DNAH12: variants seen among roughly 807,000 people sequenced by gnomAD.
The protein encoded by DNAH12 is dynein axonemal heavy chain 12, also known as axonemal beta dynein heavy chain 12.
DNAH12 carries 285 observed loss-of-function variants against 371.5 expected under a neutral mutation model. That is an observed-to-expected ratio of 0.77 (90% confidence interval 0.70 to 0.85). DNAH12 has a LOEUF of 0.85. Among genes scored for constraint, DNAH12 ranks in the 40% least tolerant of loss-of-function variants. The pLI, the probability that DNAH12 is intolerant of heterozygous loss-of-function variation, is 0.00. For synonymous variants in DNAH12, 1,200 were observed against 1,213.0 expected (o/e 0.99, Z 0.22); for missense variants, 3,611 against 3,689.4 (o/e 0.98, Z 0.55).
chr3:57,498,446 A>C (rs2067391880), intron 11 of DNAH12: 2 of 707,900 alleles, frequency 2.8e-6, no homozygotes, highest in South Asian at 3.0e-5. Flanking sequence ...CCTCCTGAGT[A>C]GCTGAGACTA....
At chr3:57,415,165 T>A (rs2064328960) in intron 38 of DNAH12, among the ~76,000 whole-genome samples, 1 of 151,256 alleles carries the variant, frequency 6.6e-6, no homozygotes, top group Admixed American at 6.6e-5. Flanking sequence ...GTCTTTTATA[T>A]TCCCTTTACC....
At chr3:57,321,568 G>C (rs1424256765) in intron 65 of DNAH12, among the ~76,000 whole-genome samples, 2 of 152,094 alleles carry the variant, frequency 1.3e-5, no homozygotes, top group Admixed American at 6.5e-5. Flanking sequence ...AAATTAACCA[G>C]ATATGCTCAG....
At chr3:57,530,590 TG>T in intron 2 of DNAH12, 2 of 635,136 alleles carry the variant, frequency 3.1e-6, no homozygotes, top group Non-Finnish European at 5.8e-6. Flanking sequence ...GGAGTCAGCT[TG>T]GCCCCCTTCT....
At chr3:57,486,907 T>C (rs2066938303) in intron 12 of DNAH12, among the ~76,000 whole-genome samples, 1 of 151,044 alleles carries the variant, frequency 6.6e-6, no homozygotes, top group African/African-American at 2.5e-5. Context: ...CACTATTTTA[T>C]ACAGAGGGGC....
intron 4 of DNAH12, among the ~76,000 whole-genome samples, chr3:57,512,977 A>T (rs2068052277): frequency 6.6e-6 from 1 of 152,080 alleles, no homozygotes; most frequent in African/African-American, 2.4e-5. Context: ...TCTCTACTAA[A>T]AATACAAAAA....
intron 60 of DNAH12, among the ~76,000 whole-genome samples, chr3:57,342,086 C>G (rs549154560): frequency 1.2e-4 from 18 of 152,276 alleles, no homozygotes; most frequent in Admixed American, 1.0e-3. Context: ...AAACTAGACT[C>G]TCTCCTCTTA....
chr3:57,410,194 G>T (rs1345117560), intron 39 of DNAH12, among the ~76,000 whole-genome samples: 3 of 151,994 alleles, frequency 2.0e-5, no homozygotes, highest in African/African-American at 4.8e-5. Flanking sequence ...ATCTGAAAAA[G>T]TTTTTAGAAA....
intron 43 of DNAH12, among the ~76,000 whole-genome samples, chr3:57,396,600 T>C (rs998258160): frequency 2.0e-5 from 3 of 151,990 alleles, no homozygotes; most frequent in Non-Finnish European, 4.4e-5. Flanking sequence ...AGATTACAGG[T>C]GCATTCCACT....
chr3:57,297,740 A>T (rs1221939408), intron 70 of DNAH12, among the ~76,000 whole-genome samples: 1 of 152,072 alleles, frequency 6.6e-6, no homozygotes, highest in Non-Finnish European at 1.5e-5. Flanking sequence ...TTCTTTCTGT[A>T]CCAGTGCATG....
Position 57,334,939 on chromosome 3 carries a change from C to T in DNAH12, c.9676G>A (p.Ala3226Thr). 2 of 1,538,630 alleles carry T rather than the reference C, an allele frequency of 1.3e-6. No homozygotes were observed. Among genetic ancestry groups the T allele is most frequent in the Non-Finnish European group, 1.7e-6 (2 of 1,143,790 alleles). Residue 3226 changes from alanine (A) to threonine (T), a missense_variant and splice_region_variant, in exon 61 of 74, where the codon GCA becomes ACA. By Grantham distance (58) the Ala-to-Thr change is moderately conservative. Coordinates refer to ENST00000495027, the MANE Select transcript of DNAH12 (RefSeq NM_001366028.2). ...SFLLCANLLL[A>T]RKEIEYQELM... ...TCCTGGTATTCAATCTCTTTCCTTG[C>T]CCTGTATTCCCAAAATAAGGACTGT... is the stretch of plus-strand genomic sequence containing the variant.
At position 57,544,332 on chromosome 3, in the gene DNAH12, G is replaced by A. The variant is rs1339909107; in HGVS notation, c.-169C>T. 1 of 152,230 alleles carries A rather than the reference G, an allele frequency of 6.6e-6. No individual in the cohort carries two copies. The highest frequency in any genetic ancestry group is 2.4e-5 in the African/African-American group (1 of 41,458). The allele number at this position is 152,230 out of a possible 1,614,324, so 9.4% of individuals were successfully genotyped here. On this transcript the variant is annotated 5_prime_UTR_variant, in exon 1 of 74. Coordinates refer to ENST00000495027, the MANE Select transcript of DNAH12 (RefSeq NM_001366028.2). ...AACGCCACCGGCTCTCAAACGAGTAGCTGGAGAAGGGCGGTCGCTGACCGG... is the reference window on the plus strand; with the variant it reads ...AACGCCACCGGCTCTCAAACGAGTAACTGGAGAAGGGCGGTCGCTGACCGG...
At chr3:57,335,481 G>A (rs564200035) in intron 60 of DNAH12, among the ~76,000 whole-genome samples, 1 of 152,284 alleles carries the variant, frequency 6.6e-6, no homozygotes, top group East Asian at 1.9e-4. Context: ...TGTGTTGTTA[G>A]GCGATTTCAT....
intron 60 of DNAH12, among the ~76,000 whole-genome samples, chr3:57,346,400 T>C (rs891665664): frequency 1.3e-5 from 2 of 151,940 alleles, no homozygotes; most frequent in African/African-American, 2.4e-5. Context: ...TAAATGTACA[T>C]TGCAAACTCA....
intron 57 of DNAH12, among the ~76,000 whole-genome samples, chr3:57,364,025 T>C (rs2062994362): frequency 6.6e-6 from 1 of 152,186 alleles, no homozygotes; most frequent in African/African-American, 2.4e-5. Context: ...CACATTAGAC[T>C]TATCCATATG....
At chr3:57,553,448 T>A in the DNAH12 span, among the ~76,000 whole-genome samples, 1 of 151,968 alleles carries the variant, frequency 6.6e-6, no homozygotes, top group Non-Finnish European at 1.5e-5. Context: ...ATGGTGGAGG[T>A]TCCAACCCCT....
intron 73 of DNAH12, among the ~76,000 whole-genome samples, chr3:57,294,940 T>C (rs1287207192): frequency 6.6e-6 from 1 of 152,228 alleles, no homozygotes; most frequent in Non-Finnish European, 1.5e-5. Flanking sequence ...ATTGTTGTTA[T>C]TTAAGAATTA....
chr3:57,446,567 AGAACAGTT>A lies in DNAH12; in HGVS notation c.3901_3908del (p.Asn1301Ter), dbSNP rs2065504863. On this transcript the variant is annotated frameshift_variant, in exon 26 of 74. Coordinates refer to ENST00000495027, the MANE Select transcript of DNAH12 (RefSeq NM_001366028.2). LOFTEE classifies it high-confidence loss of function. ...CCATTGCTAGATAATCTAGCCCATCAGAACAGTTGAACACCACACACTGTACAGCAAGA... is the reference window on the plus strand; with the variant it reads ...CCATTGCTAGATAATCTAGCCCATCAGAACACCACACACTGTACAGCAAGA... The A allele has an allele frequency of 6.5e-7, 1 of 1,540,612 alleles. No homozygotes were observed. Among genetic ancestry groups the A allele is most frequent in the African/African-American group, 1.4e-5 (1 of 72,612 alleles).
In DNAH12 at chr3:57,458,163, G is replaced by T; in HGVS notation, c.2989C>A (p.Leu997Ile). 6.5e-7 allele frequency: 1 copy of T among 1,549,898 alleles called. No individual in the cohort carries two copies. The highest frequency in any genetic ancestry group is 1.2e-5 in the South Asian group (1 of 83,346). ...LLEKLQNCNE[L>I]LEKIMKGLNA... The stretch of plus-strand genomic sequence containing the variant: ...AGACCTTTCATAATTTTCTCCAAAA[G>T]TTCATTGCAGTTCTGTAGTTTTTCC... Residue 997 changes from leucine to isoleucine, a missense_variant, in exon 21 of 74, where the codon CTT (leucine) becomes ATT (isoleucine). Physicochemically the swap from Leu to Ile is conservative, Grantham distance 5. Around this residue, in one of 3 missense-constraint regions of DNAH12, gnomAD observed 1,314 missense variants for 1,398.7 expected, o/e 0.94. Transcript: ENST00000495027.
At chr3:57,343,909 C>A in intron 60 of DNAH12, among the ~76,000 whole-genome samples, 1 of 152,212 alleles carries the variant, frequency 6.6e-6, no homozygotes, top group East Asian at 1.9e-4. Flanking sequence ...GGCATAGTAT[C>A]TTCCCTTGAC....
Sources: gnomAD v4.1 joint callset for allele counts (sites outside exome capture counted in the v4.1 genomes callset) on GRCh38, gnomAD v4.1.1 for gene constraint, gnomAD v4.1.1 regional missense constraint, MANE v1.5 for transcripts, NCBI Gene and HGNC (gene_info 2026-07-23, HGNC 2026-07-21) for gene names.